The following KIF13A variants were observed in gnomAD, a reference collection of about 807,000 sequenced individuals.
KIF13A encodes kinesin family member 13A.
Under a neutral mutation model 212.2 loss-of-function variants are expected in KIF13A, and 79 were observed. The observed-to-expected ratio is 0.37, with a 90% CI of 0.31 to 0.45. The LOEUF is 0.45. KIF13A is among the 20% of genes least tolerant of loss of function. The pLI, the probability that KIF13A is intolerant of heterozygous loss-of-function variation, is 1.00. For synonymous variants in KIF13A, 789 were observed against 808.6 expected (o/e 0.98, Z 0.41); for missense variants, 1,901 against 2,209.0 (o/e 0.86, Z 2.79).
chr6:17,930,600 G>C (rs981056443), intron 2 of KIF13A, among the ~76,000 whole-genome samples: 3 of 152,224 alleles, frequency 2.0e-5, no homozygotes, highest in African/African-American at 7.2e-5. Flanking sequence ...GGGCAGGATG[G>C]AAGGTAGACT....
chr6:17,794,047 C>T lies in KIF13A; in HGVS notation c.3222+202G>A, dbSNP rs534549617. On this transcript the variant is annotated intron_variant, in intron 25 of 38. Transcript: ENST00000259711. This position sits in a 1 kb window ranked among gnomAD's most constrained non-coding sequence, Gnocchi z 4.1. ...TAATGACTACTATAGCATTAGGATG[C>T]GTGTGTTTATAAATAAAATTATTAT... 1.1e-4 allele frequency among the ~76,000 whole-genome samples: 17 copies of T among 152,114 alleles called. No homozygotes were observed. The East Asian group carries it at 1.5e-3, about 14-fold the overall frequency.
rs946332571 is a variant in KIF13A at position 17,839,776 on chromosome 6, T to C, written c.831-2193A>G. Reference sequence around the variant, plus strand: ...TGCAGGCAGAGACTGGAGTGATGCATCTACAAGACAGGGAACGCCGAGGAT... The same window carrying C: ...TGCAGGCAGAGACTGGAGTGATGCACCTACAAGACAGGGAACGCCGAGGAT... On this transcript the variant is annotated intron_variant, in intron 9 of 38. Coordinates refer to ENST00000259711, the MANE Select transcript of KIF13A (RefSeq NM_022113.6). The surrounding 1 kb of genome is among the most constrained non-coding windows in gnomAD (Gnocchi z 4.3). 6.6e-6 allele frequency among the ~76,000 whole-genome samples: 1 copy of C among 152,014 alleles called. No homozygotes were observed. The highest frequency in any genetic ancestry group is 1.5e-5 in the Non-Finnish European group (1 of 68,000).
At chr6:17,832,945 C>T (rs12528803) in intron 12 of KIF13A, among the ~76,000 whole-genome samples, 37,594 of 135,288 alleles carry the variant, frequency 0.28, 5,063 homozygotes, top group Admixed American at 0.4. Context: ...ACCCAGGAGG[C>T]GGAGGTTGCA....
intron 3 of KIF13A, among the ~76,000 whole-genome samples, chr6:17,874,213 A>T (rs1297006575): frequency 6.6e-6 from 1 of 151,082 alleles, no homozygotes; most frequent in African/African-American, 2.4e-5. Flanking sequence ...CCATATTCCC[A>T]TCCTGCACTC....
rs1256519112 is a variant in KIF13A at position 17,771,075 on chromosome 6, A to G, written c.4581+39T>C. The G allele has an allele frequency of 3.9e-5, 54 of 1,375,732 alleles. No individual in the cohort carries two copies. Among genetic ancestry groups the G allele is most frequent in the Non-Finnish European group, 5.3e-5 (52 of 974,578 alleles). The allele number at this position is 1,375,732 out of a possible 1,614,324, so 85.2% of individuals were successfully genotyped here. ...TTGTCTGTGAAAGGGCCTTAAACCC[A>G]CCACCAGGCAATATGACAGAAATGG... is the stretch of plus-strand genomic sequence containing the variant. On this transcript the variant is annotated intron_variant, in intron 38 of 38. Transcript: ENST00000259711. The surrounding 1 kb of genome is among the most constrained non-coding windows in gnomAD (Gnocchi z 5.4).
rs554524719 is a variant in KIF13A at position 17,894,398 on chromosome 6, G to T, written c.159+3770C>A. Among the ~76,000 whole-genome samples, 3 of 152,290 alleles carry T rather than the reference G, an allele frequency of 2.0e-5. No homozygotes were observed. The East Asian group carries it at 5.8e-4, about 29-fold the overall frequency. On this transcript the variant is annotated intron_variant, in intron 3 of 38. Transcript: ENST00000259711. ...CTTCCCAAGGCCGGGGATCACAGGCGTGAGTCACTGCACCTGGCCTTTTTC... is the reference window on the plus strand; with the variant it reads ...CTTCCCAAGGCCGGGGATCACAGGCTTGAGTCACTGCACCTGGCCTTTTTC...
chr6:17,761,125 G>A (rs2150277927), downstream of KIF13A, among the ~76,000 whole-genome samples: 1 of 152,266 alleles, frequency 6.6e-6, no homozygotes, highest in Admixed American at 6.5e-5. Flanking sequence ...AGTGACTTCT[G>A]GATGTGCAGT....
chr6:17,909,118 T>C (rs1561749509), intron 2 of KIF13A, among the ~76,000 whole-genome samples: 2 of 152,264 alleles, frequency 1.3e-5, no homozygotes, highest in African/African-American at 4.8e-5. Flanking sequence ...TTACAACAAA[T>C]AGTCCTCCTC....
rs3734232 is a variant in KIF13A, at chr6:17,780,910, G to C, written c.3670-4C>G. On this transcript the variant is annotated splice_region_variant and splice_polypyrimidine_tract_variant and intron_variant, in intron 30 of 38. Transcript: ENST00000259711. ...CCCAAGAGGCTGTGGCTGAAACCTA[G>C]GAGTTGGGGAATGATGAGGAGATGG... is the stretch of plus-strand genomic sequence containing the variant. 1 of 1,611,144 alleles carries C rather than the reference G, an allele frequency of 6.2e-7. No homozygotes were observed. The highest frequency in any genetic ancestry group is 1.3e-5 in the African/African-American group (1 of 74,850).
intron 2 of KIF13A, among the ~76,000 whole-genome samples, chr6:17,977,500 G>T (rs1780678495): frequency 6.6e-6 from 1 of 152,088 alleles, no homozygotes; most frequent in Non-Finnish European, 1.5e-5. Flanking sequence ...CAAAAATATA[G>T]AAATGATTAA....
rs1315287480 is a variant in KIF13A, at chr6:17,971,779, T to C, written c.146+15275A>G. 6.6e-6 allele frequency among the ~76,000 whole-genome samples: 1 copy of C among 152,176 alleles called. No homozygotes were observed. Among genetic ancestry groups the C allele is most frequent in the African/African-American group, 2.4e-5 (1 of 41,454 alleles). On this transcript the variant is annotated intron_variant, in intron 2 of 38. Transcript: ENST00000259711. The surrounding 1 kb of genome is among the most constrained non-coding windows in gnomAD (Gnocchi z 4.2). ...TATTTAAAAGAGGCTGGGAACTCTC[T>C]GTTTATCCAAATTTTTATTTCTACT... is the stretch of plus-strand genomic sequence containing the variant.
rs531290075 is a variant in KIF13A at position 17,975,847 on chromosome 6, G to A, written c.146+11207C>T. Among the ~76,000 whole-genome samples the A allele has an allele frequency of 2.0e-5, 3 of 152,236 alleles. No individual in the cohort carries two copies. The East Asian group carries it at 5.8e-4, about 29-fold the overall frequency. ...ATTCACGAACCCTGAGCTAGACATA[G>A]GGTGCTAATTGGTGTTTACAAACCT... On this transcript the variant is annotated intron_variant, in intron 2 of 38. Coordinates refer to ENST00000259711, the MANE Select transcript of KIF13A (RefSeq NM_022113.6).
At chr6:17,760,307 G>A (rs898453752), downstream of KIF13A, 1 of 152,280 alleles carries the variant, frequency 6.6e-6, no homozygotes, top group Non-Finnish European at 1.5e-5. Flanking sequence ...ATCTGCTCAT[G>A]TATAAGAGAT....
Position 17,766,581 on chromosome 6 carries a change from G to T in KIF13A, c.4582-1635C>A, listed in dbSNP as rs1014293809. ...TTTATTTATTTTTTTACAGACAGGGGTCCTGCTCTGTCACTCAGGTTGGTG... is the reference window on the plus strand; with the variant it reads ...TTTATTTATTTTTTTACAGACAGGGTTCCTGCTCTGTCACTCAGGTTGGTG... On this transcript the variant is annotated intron_variant, in intron 38 of 38. Transcript: ENST00000259711. 3.3e-5 allele frequency among the ~76,000 whole-genome samples: 5 copies of T among 151,898 alleles called. No homozygotes were observed. The East Asian group carries it at 9.7e-4, about 29-fold the overall frequency.
chr6:17,790,143 C>T (rs6907279), intron 25 of KIF13A, among the ~76,000 whole-genome samples: 6,580 of 152,228 alleles, frequency 0.043, 488 homozygotes, highest in African/African-American at 0.15. Context: ...GGCTCATGCC[C>T]GTAATCCCAA....
At chr6:17,952,473 A>T (rs533394212) in intron 2 of KIF13A, among the ~76,000 whole-genome samples, 2 of 151,916 alleles carry the variant, frequency 1.3e-5, no homozygotes, top group South Asian at 4.2e-4. Context: ...CCTCTACAAA[A>T]AATTTAAAAA....
rs144070698 is a variant in KIF13A at position 17,932,016 on chromosome 6, G to A, written c.147-33836C>T. The stretch of plus-strand genomic sequence containing the variant: ...ATCAGCATCACCTGGAAACTCACTG[G>A]AAAAGCAAATGCTTGAGCCCCACTG... On this transcript the variant is annotated intron_variant, in intron 2 of 38. Coordinates refer to ENST00000259711, the MANE Select transcript of KIF13A (RefSeq NM_022113.6). Among the ~76,000 whole-genome samples the A allele has an allele frequency of 4.6e-3, 693 of 152,138 alleles. 2 individuals carry two copies. Among genetic ancestry groups the A allele is most frequent in the South Asian group, 7.5e-3 (36 of 4,800 alleles).
chr6:17,878,850 A>G (rs1770805447), intron 3 of KIF13A, among the ~76,000 whole-genome samples: 1 of 152,210 alleles, frequency 6.6e-6, no homozygotes, highest in African/African-American at 2.4e-5. Context: ...CCTGCAGATG[A>G]AAAGAGTCCT....
chr6:17,867,076 A>C (rs75013277), intron 4 of KIF13A, among the ~76,000 whole-genome samples: 1,820 of 151,838 alleles, frequency 0.012, 38 homozygotes, highest in African/African-American at 0.042. Flanking sequence ...TACTCTCTGG[A>C]CTCTCACCAG....
Sources: allele counts gnomAD v4.1 joint callset (sites outside exome capture counted in the v4.1 genomes callset), GRCh38; gene constraint gnomAD v4.1.1; non-coding constraint Gnocchi (gnomAD v3.1); transcripts MANE v1.5; gene names NCBI Gene and HGNC (gene_info 2026-07-23, HGNC 2026-07-21).